WDR17: variants seen among roughly 807,000 people sequenced by gnomAD.
The protein encoded by WDR17 is WD repeat-containing protein 17.
A neutral mutation model predicts 161.7 loss-of-function variants in WDR17; 143 were observed. The observed-to-expected ratio is 0.88, with a 90% CI of 0.77 to 1.02. The LOEUF is 1.02. Ranked by LOEUF, WDR17 falls within the 50% of genes least tolerant of loss-of-function variation. The pLI is 0.00. For synonymous variants in WDR17, 517 were observed against 515.6 expected (o/e 1.00, Z -0.04); for missense variants, 1,469 against 1,520.9 (o/e 0.97, Z 0.57).
chr4:176,168,965 G>T (rs1316844800), intron 23 of WDR17, among the ~76,000 whole-genome samples, 182 bp downstream of exon 23: 1 of 152,140 alleles, frequency 6.6e-6, no homozygotes, highest in East Asian at 1.9e-4. Flanking sequence ...TATGTGCTTG[G>T]CACTCTTCTA....
chr4:176,123,936 A>T (rs1478639012), intron 4 of WDR17, among the ~76,000 whole-genome samples: 1 of 152,182 alleles, frequency 6.6e-6, no homozygotes, highest in Non-Finnish European at 1.5e-5. Context: ...CCAGCTACCT[A>T]GTCAACTCAT....
intron 19 of WDR17, 35 bp from the exon 20 acceptor site, chr4:176,160,876 G>A (rs760717817): frequency 9.3e-6 from 14 of 1,507,846 alleles, no homozygotes; most frequent in Non-Finnish European, 9.9e-6. Flanking sequence ...TCAACAATTA[G>A]CTAAAGAATA....
At chr4:176,093,929 A>T (rs1344790515) in intron 1 of WDR17, among the ~76,000 whole-genome samples, 5 of 152,226 alleles carry the variant, frequency 3.3e-5, no homozygotes, top group African/African-American at 7.2e-5. Flanking sequence ...TTCCTTGCAA[A>T]TATAATAAAT....
chr4:176,095,762 G>A (rs755112828), intron 1 of WDR17, among the ~76,000 whole-genome samples: 2 of 151,680 alleles, frequency 1.3e-5, no homozygotes, highest in African/African-American at 2.4e-5. Context: ...AGAAAAGATC[G>A]CTTAGAACCT....
chr4:176,106,702 T>C (rs6827241), intron 1 of WDR17, among the ~76,000 whole-genome samples: 93,348 of 152,056 alleles, frequency 0.61, 28,935 homozygotes, highest in South Asian at 0.64. Flanking sequence ...ATCTGTGATC[T>C]GGGCACTTTG....
intron 16 of WDR17, among the ~76,000 whole-genome samples, chr4:176,150,858 A>G (rs553700860): frequency 1.5e-4 from 23 of 152,318 alleles, no homozygotes; most frequent in Non-Finnish European, 2.6e-4. Flanking sequence ...TCTTTCCCCT[A>G]TTAGCAGATG....
intron 10 of WDR17, among the ~76,000 whole-genome samples, chr4:176,141,292 A>T (rs1745216591): frequency 6.6e-6 from 1 of 152,202 alleles, no homozygotes; most frequent in South Asian, 2.1e-4. Flanking sequence ...AATGGTACAT[A>T]AAACCAACTT....
intron 23 of WDR17, among the ~76,000 whole-genome samples, chr4:176,171,869 C>G (rs992659814): frequency 6.6e-6 from 1 of 151,978 alleles, no homozygotes; most frequent in Admixed American, 6.6e-5. Context: ...AATGTCAAAG[C>G]TAAAAACTTT....
In WDR17 at chr4:176,131,741, A is replaced by G. The variant is rs776397874; in HGVS notation, c.1098+3A>G. On this transcript the variant is annotated splice_donor_region_variant and intron_variant, in intron 7 of 28. Transcript: ENST00000508596. ...AGTGGGATTTTCTTAGAGACTTGGT[A>G]TGTATGTAGTCATTCCTTTATTATA... The G allele has an allele frequency of 6.2e-6, 10 of 1,607,806 alleles. No homozygotes were observed. The highest frequency in any genetic ancestry group is 2.7e-5 in the African/African-American group (2 of 74,582).
intron 22 of WDR17, among the ~76,000 whole-genome samples, chr4:176,165,511 T>C (rs145118895): frequency 6.6e-6 from 1 of 152,232 alleles, no homozygotes; most frequent in Non-Finnish European, 1.5e-5. Flanking sequence ...TAACTACTAA[T>C]AGCCTACTCT....
intron 6 of WDR17, among the ~76,000 whole-genome samples, chr4:176,129,222 G>C (rs1288915471): frequency 6.6e-6 from 1 of 151,984 alleles, no homozygotes; most frequent in Non-Finnish European, 1.5e-5. Context: ...TTTAAACATG[G>C]CTCATTTAAA....
intron 24 of WDR17, 42 bp downstream of exon 24, chr4:176,172,558 TATTTG>T (rs762486244): frequency 1.3e-6 from 2 of 1,483,360 alleles, no homozygotes; most frequent in South Asian, 2.5e-5. Flanking sequence ...TATACTCATT[TATTTG>T]ATCGTTGTTT....
chr4:176,161,543 T>A (rs911204948), intron 20 of WDR17, among the ~76,000 whole-genome samples: 1 of 152,124 alleles, frequency 6.6e-6, no homozygotes, highest in African/African-American at 2.4e-5. Context: ...TCCTTTCTAT[T>A]TGCTCCTATT....
Position 176,160,135 on chromosome 4 carries a change from A to C in WDR17, c.2658+9A>C. ...CTCTGCTTGTTGCACAGGTAAAACCACAGAACTACCCCAGTCACATACATG... is the reference window on the plus strand; with the variant it reads ...CTCTGCTTGTTGCACAGGTAAAACCCCAGAACTACCCCAGTCACATACATG... On this transcript the variant is annotated intron_variant, in intron 19 of 28. Transcript: ENST00000508596. 6.2e-7 allele frequency: 1 copy of C among 1,612,788 alleles called. No homozygotes were observed. The highest frequency in any genetic ancestry group is 8.5e-7 in the Non-Finnish European group (1 of 1,179,238).
intron 4 of WDR17, among the ~76,000 whole-genome samples, chr4:176,123,371 A>G (rs1741909918): frequency 6.6e-6 from 1 of 152,138 alleles, no homozygotes; most frequent in East Asian, 1.9e-4. Context: ...CTCCAATTCA[A>G]TTCTGACACT....
chr4:176,076,406 T>A (rs1325897821), intron 1 of WDR17, among the ~76,000 whole-genome samples: 2 of 116,130 alleles, frequency 1.7e-5, no homozygotes, highest in Non-Finnish European at 3.8e-5. Flanking sequence ...TTGTCGTTGT[T>A]GGTTTTTTTT....
At chr4:176,069,069 A>G (rs1000172890) in intron 1 of WDR17, among the ~76,000 whole-genome samples, 10 of 152,182 alleles carry the variant, frequency 6.6e-5, no homozygotes, top group Admixed American at 4.6e-4. Flanking sequence ...GGGCTGTCAC[A>G]TTAGAAGGCA....
In WDR17 at chr4:176,119,907, T is replaced by G; in HGVS notation, c.348T>G (p.Asp116Glu). 6.2e-7 allele frequency: 1 copy of G among 1,614,142 alleles called. No individual in the cohort carries two copies. Among genetic ancestry groups the G allele is most frequent in the Non-Finnish European group, 8.5e-7 (1 of 1,180,022 alleles). ...TTAGTTGGTGCTGGAATGCAGAGGA[T>G]GTGGTGGCATTTGTTTCCCACAGAG... ...ASLSWCWNAEDVVAFVSHRGP... is the reference protein window; with the variant it reads ...ASLSWCWNAEEVVAFVSHRGP... The change falls in exon 4 of 29, where the codon GAT becomes GAG. Residue 116 changes from aspartate (D) to glutamate (E), a missense_variant. By Grantham distance (45) the Asp-to-Glu change is conservative (BLOSUM62 2). Coordinates refer to ENST00000508596, the MANE Select transcript of WDR17 (RefSeq NM_181265.4).
At chr4:176,113,537 C>G (rs1315219824) in intron 2 of WDR17, among the ~76,000 whole-genome samples, 1 of 151,898 alleles carries the variant, frequency 6.6e-6, no homozygotes, top group Non-Finnish European at 1.5e-5. Flanking sequence ...ATTACAATGT[C>G]CACTATAAAA....
Sources: allele counts gnomAD v4.1 joint callset (sites outside exome capture counted in the v4.1 genomes callset), GRCh38; gene constraint gnomAD v4.1.1; transcripts MANE v1.5; gene names NCBI Gene and HGNC (gene_info 2026-07-23, HGNC 2026-07-21).